RAI14: variants seen among roughly 807,000 people sequenced by gnomAD.
RAI14 encodes the protein ankycorbin.
In RAI14, 45 loss-of-function variants were observed where a neutral mutation model predicts 115.4. That is an observed-to-expected ratio of 0.39 (90% CI 0.31 to 0.50). The LOEUF is 0.50. Among genes scored for constraint, RAI14 ranks in the 20% least tolerant of loss-of-function variants. RAI14 has a pLI of 0.85. For synonymous variants in RAI14, 371 were observed against 415.4 expected, an observed-to-expected ratio of 0.89 and a Z score of 1.30; for missense variants, 939 against 1,131.2, an observed-to-expected ratio of 0.83 and a Z score of 2.44.
chr5:34,743,728 G>T (rs1745814941), intron 2 of RAI14, among the ~76,000 whole-genome samples: 1 of 152,202 alleles, frequency 6.6e-6, no homozygotes, highest in South Asian at 2.1e-4. Flanking sequence ...CCTGGGCCTG[G>T]GGTAGACCCC....
chr5:34,802,507 C>A (rs544138266), intron 4 of RAI14, among the ~76,000 whole-genome samples: 1 of 152,102 alleles, frequency 6.6e-6, no homozygotes, highest in South Asian at 2.1e-4. Context: ...TGCTCTGACC[C>A]TCTCCCCAGG....
intron 12 of RAI14, among the ~76,000 whole-genome samples, chr5:34,816,428 A>T (rs993752213): frequency 6.6e-5 from 10 of 152,184 alleles, no homozygotes; most frequent in African/African-American, 2.4e-4. Context: ...TCCTGACTAT[A>T]AAAGTAATAT....
At chr5:34,672,997 C>A (rs1579869491) in intron 1 of RAI14, among the ~76,000 whole-genome samples, 1 of 152,250 alleles carries the variant, frequency 6.6e-6, no homozygotes, top group Non-Finnish European at 1.5e-5. Context: ...GGAGTCAAGT[C>A]CCAGGAGAGC....
chr5:34,707,933 G>A (rs907593367), intron 2 of RAI14, among the ~76,000 whole-genome samples: 1 of 152,112 alleles, frequency 6.6e-6, no homozygotes, highest in African/African-American at 2.4e-5. Context: ...TGAAAAAATG[G>A]CAGAAGAAGA....
chr5:34,781,991 C>T (rs562407359), intron 3 of RAI14, among the ~76,000 whole-genome samples: 13 of 152,200 alleles, frequency 8.5e-5, no homozygotes, highest in Admixed American at 3.9e-4. Flanking sequence ...TAGGGATGGG[C>T]GGAAATAAAG....
intron 1 of RAI14, among the ~76,000 whole-genome samples, chr5:34,682,084 A>G (rs1316042776): frequency 6.6e-6 from 1 of 151,470 alleles, no homozygotes; most frequent in African/African-American, 2.4e-5. Context: ...TGAACTTCCG[A>G]CCTCAAATGA....
rs1323308936 is a variant in RAI14, at chr5:34,824,473, G to A, written c.2631G>A (p.Glu877=). The change falls in exon 15 of 18, where the codon GAG becomes GAA. Residue 877 remains glutamate, a synonymous_variant. Transcript: ENST00000265109. ...KRYAESSSKL[E]EDKDKKINEM... Reference sequence around the variant, plus strand: ...ACGCTGAGAGCTCTTCAAAACTGGAGGAAGATAAAGATAAAAAGGTTGGTG... The same window carrying A: ...ACGCTGAGAGCTCTTCAAAACTGGAAGAAGATAAAGATAAAAAGGTTGGTG... The A allele has an allele frequency of 1.9e-6, 3 of 1,576,322 alleles. No individual in the cohort carries two copies. The highest frequency in any genetic ancestry group is 4.5e-5 in the East Asian group (2 of 44,350).
intron 1 of RAI14, among the ~76,000 whole-genome samples, chr5:34,665,311 T>C (rs1743121287): frequency 6.7e-6 from 1 of 148,866 alleles, no homozygotes; most frequent in East Asian, 2.0e-4. Flanking sequence ...AGATAATAAC[T>C]CTAAAACTAA....
chr5:34,709,849 C>G (rs115786212), intron 2 of RAI14, among the ~76,000 whole-genome samples: 1 of 152,066 alleles, frequency 6.6e-6, no homozygotes, highest in Admixed American at 6.5e-5. Context: ...GTTTTGATCT[C>G]AGAGGCATAA....
chr5:34,780,688 A>G (rs1451912394), intron 3 of RAI14, among the ~76,000 whole-genome samples: 1 of 152,214 alleles, frequency 6.6e-6, no homozygotes, highest in Non-Finnish European at 1.5e-5. Flanking sequence ...ATCTCACACC[A>G]GTTAGAATGG....
At chr5:34,680,315 G>A (rs115121521) in intron 1 of RAI14, among the ~76,000 whole-genome samples, 262 of 152,272 alleles carry the variant, frequency 1.7e-3, no homozygotes, top group African/African-American at 6.2e-3. Context: ...TGGAGTTTGG[G>A]AAGCCCAAGG....
At chr5:34,794,598 A>G (rs1302540049) in intron 3 of RAI14, among the ~76,000 whole-genome samples, 2 of 152,226 alleles carry the variant, frequency 1.3e-5, no homozygotes, top group Admixed American at 6.5e-5. Context: ...AGCTAAAATA[A>G]TTAAACGTTA....
At chr5:34,745,204 T>G (rs960437124) in intron 2 of RAI14, among the ~76,000 whole-genome samples, 2 of 152,324 alleles carry the variant, frequency 1.3e-5, no homozygotes, top group Non-Finnish European at 2.9e-5. Context: ...TTAAATGAAA[T>G]AAATTATTTA....
chr5:34,771,962 A>G (rs2150134008), intron 3 of RAI14, among the ~76,000 whole-genome samples: 2 of 152,226 alleles, frequency 1.3e-5, no homozygotes, highest in Middle Eastern at 3.4e-3. Context: ...GTGCAGTGGC[A>G]CGATCATAGC....
intron 3 of RAI14, among the ~76,000 whole-genome samples, chr5:34,773,088 A>G (rs1301862854): frequency 1.3e-5 from 2 of 152,180 alleles, no homozygotes; most frequent in Non-Finnish European, 2.9e-5. Flanking sequence ...GAACATATCC[A>G]TAAAATTGTT....
intron 2 of RAI14, among the ~76,000 whole-genome samples, chr5:34,741,042 C>A (rs142968486): frequency 1.3e-4 from 20 of 152,296 alleles, no homozygotes; most frequent in Non-Finnish European, 2.5e-4. Flanking sequence ...TTTACTAAGG[C>A]TTCCAAACCC....
intron 2 of RAI14, among the ~76,000 whole-genome samples, chr5:34,745,715 A>G (rs1202430030): frequency 6.6e-6 from 1 of 152,122 alleles, no homozygotes; most frequent in Non-Finnish European, 1.5e-5. Flanking sequence ...TGGTTTCTCT[A>G]TGGAGTTACA....
rs185245087 is a variant in RAI14 at position 34,674,770 on chromosome 5, G to A, written c.-48-12102G>A. Among the ~76,000 whole-genome samples, 618 of 152,038 alleles carry A rather than the reference G, an allele frequency of 4.1e-3. 2 individuals are homozygous for A. The highest frequency in any genetic ancestry group is 6.5e-3 in the Non-Finnish European group (443 of 67,976). ...GCCTGGCTAATTTTTGTATTTTTTA[G>A]TGGAGACGGGGTTTCGCCATGTTGA... is the stretch of plus-strand genomic sequence containing the variant. On this transcript the variant is annotated intron_variant, in intron 1 of 17. Transcript: ENST00000265109.
intron 2 of RAI14, among the ~76,000 whole-genome samples, chr5:34,713,895 T>C (rs1341135891): frequency 6.6e-6 from 1 of 152,216 alleles, no homozygotes; most frequent in Non-Finnish European, 1.5e-5. Context: ...AACCTCTGCC[T>C]CCCGGTTTCA....
Sources: gnomAD v4.1 joint callset for allele counts (sites outside exome capture counted in the v4.1 genomes callset) on GRCh38, gnomAD v4.1.1 for gene constraint, MANE v1.5 for transcripts, NCBI Gene and HGNC (gene_info 2026-07-23, HGNC 2026-07-21) for gene names.